ERCC6: variants seen among roughly 807,000 people sequenced by gnomAD.
ERCC6 encodes ERCC excision repair 6, chromatin remodeling factor, also known as DNA excision repair protein ERCC-6.
A neutral mutation model predicts 158.7 loss-of-function variants in ERCC6; 116 were observed. The observed-to-expected ratio is 0.73, with a 90% CI of 0.63 to 0.85. The LOEUF (loss-of-function observed/expected upper bound fraction) is 0.85, where lower values mean the gene tolerates loss of function less well. ERCC6 is among the 40% of genes least tolerant of loss of function. ERCC6 has a pLI of 0.00. For missense variants in ERCC6, 1,698 were observed against 1,799.4 expected (o/e 0.94, Z 1.02); for synonymous variants, 678 against 659.3 (o/e 1.03, Z -0.43).
At chr10:49,478,248 A>G in intron 11 of ERCC6, 106 bp downstream of exon 11, 3 of 888,772 alleles carry the variant, frequency 3.4e-6, no homozygotes, top group Non-Finnish European at 3.8e-6. Context: ...CCACAGTTCC[A>G]GGATCATACC....
chr10:49,525,168 C>T (rs1487560583), intron 4 of ERCC6: 3 of 234,846 alleles, frequency 1.3e-5, no homozygotes, highest in African/African-American at 7.0e-5. Context: ...CTAAAACCAA[C>T]ATTCAGATGG....
chr10:49,484,278 CAAA>C (rs60365716), intron 8 of ERCC6, among the ~76,000 whole-genome samples: 2 of 96,072 alleles, frequency 2.1e-5, no homozygotes, highest in Non-Finnish European at 4.0e-5. Context: ...GACTCTGCCT[CAAA>C]AAAAAAAAAA....
chr10:49,516,464 C>A (rs1836967914), intron 5 of ERCC6: 1 of 1,614,090 alleles, frequency 6.2e-7, no homozygotes, highest in African/African-American at 1.3e-5. Flanking sequence ...GGTCACGTCT[C>A]ATGGCAGCAC....
Position 49,458,897 on chromosome 10 carries a change from CG to C in ERCC6, c.4399del (p.Arg1467GlufsTer4). On this transcript the variant is annotated frameshift_variant, in exon 21 of 21. Coordinates refer to ENST00000355832, the MANE Select transcript of ERCC6 (RefSeq NM_000124.4). LOFTEE classifies it high-confidence loss of function. ...AGTGCACAGATTTCTCAATAGTTCT[CG>C]GAAGACACAAGACTGTGATGCAGAT... is the stretch of plus-strand genomic sequence containing the variant. Reference protein sequence around the residue: ...KLSASQSCVFRELLRNLCTFH... With the variant: ...KLSASQSCVFXELLRNLCTFH... 6.2e-7 allele frequency: 1 copy of C among 1,614,202 alleles called. No individual in the cohort carries two copies. Among genetic ancestry groups the C allele is most frequent in the Non-Finnish European group, 8.5e-7 (1 of 1,180,026 alleles).
rs1468860582 is a variant in ERCC6 at position 49,532,749 on chromosome 10, C to T, written c.216G>A (p.Leu72=). The change falls in exon 2 of 21, where the codon CTG becomes CTA. Residue 72 remains leucine (L), a synonymous_variant. Transcript: ENST00000355832. ...ASAAPRRGPA[L]LHIDRHQIQA... is the part of the protein sequence containing the mutation. The stretch of plus-strand genomic sequence containing the variant: ...GGATCTGATGTCGGTCGATGTGCAG[C>T]AGGGCTGGCCCTCTCCTCGGAGCTG... 6.2e-7 allele frequency: 1 copy of T among 1,614,124 alleles called. No individual in the cohort carries two copies. Among genetic ancestry groups the T allele is most frequent in the Non-Finnish European group, 8.5e-7 (1 of 1,180,054 alleles).
At chr10:49,533,255 G>C (rs1286966509) in intron 1 of ERCC6, among the ~76,000 whole-genome samples, 2 of 152,168 alleles carry the variant, frequency 1.3e-5, no homozygotes, top group Non-Finnish European at 2.9e-5. Flanking sequence ...CCAAAATCCT[G>C]GGGTGATGGC....
intron 4 of ERCC6, among the ~76,000 whole-genome samples, chr10:49,528,048 C>T (rs995386767): frequency 6.6e-6 from 1 of 152,154 alleles, no homozygotes; most frequent in African/African-American, 2.4e-5. Context: ...TTTAAAGACA[C>T]GTGAGAGCCA....
Position 49,486,738 on chromosome 10 carries a change from T to C in ERCC6, c.1822-3222A>G, listed in dbSNP as rs142271727. 8.5e-3 allele frequency among the ~76,000 whole-genome samples: 1,291 copies of C among 152,354 alleles called. 22 individuals carry two copies. The highest frequency in any genetic ancestry group is 0.029 in the African/African-American group (1,213 of 41,582). ...CCAATACTGAACAATGTGAAAAAGA[T>C]GTTATACTCTTCTCACCAAAAGTCT... is the stretch of plus-strand genomic sequence containing the variant. On this transcript the variant is annotated intron_variant, in intron 8 of 20. Coordinates refer to ENST00000355832, the MANE Select transcript of ERCC6 (RefSeq NM_000124.4).
chr10:49,445,435 G>A, the ERCC6 span, among the ~76,000 whole-genome samples: 2 of 152,162 alleles, frequency 1.3e-5, no homozygotes, highest in African/African-American at 4.8e-5. Context: ...GAAAATATGA[G>A]AACCAGTTGC....
intron 1 of ERCC6, among the ~76,000 whole-genome samples, chr10:49,533,585 C>G (rs189676751): frequency 6.6e-6 from 1 of 152,050 alleles, no homozygotes. Context: ...GGAAACACAG[C>G]GAGCTCAGGA....
At chr10:49,442,130 ACAT>A in the ERCC6 span, among the ~76,000 whole-genome samples, 1 of 152,226 alleles carries the variant, frequency 6.6e-6, no homozygotes, top group Non-Finnish European at 1.5e-5. Flanking sequence ...CAAATGTCCA[ACAT>A]TGCTTTTCCT....
chr10:49,482,725 T>C lies in ERCC6; in HGVS notation c.2131A>G (p.Ile711Val), dbSNP rs2132551652. 6.2e-7 allele frequency: 1 copy of C among 1,613,986 alleles called. No individual in the cohort carries two copies. The highest frequency in any genetic ancestry group is 8.5e-7 in the Non-Finnish European group (1 of 1,179,968). ...GCATTTGAATATCCCCCCATGGTGA[T>C]GGGGACGGAGAACTGCTCCATAAAC... is the stretch of plus-strand genomic sequence containing the variant. ...PVFMEQFSVP[I>V]TMGGYSNASP... The change falls in exon 10 of 21, where the codon ATC becomes GTC. Residue 711 changes from isoleucine to valine, a missense_variant. Physicochemically the swap from Ile to Val is conservative, Grantham distance 29. Coordinates refer to ENST00000355832, the MANE Select transcript of ERCC6 (RefSeq NM_000124.4).
Position 49,528,427 on chromosome 10 carries a change from C to T in ERCC6, c.642G>A (p.Glu214=). 6.2e-7 allele frequency: 1 copy of T among 1,614,220 alleles called. No homozygotes were observed. The highest frequency in any genetic ancestry group is 8.5e-7 in the Non-Finnish European group (1 of 1,180,026). The part of the protein sequence containing the change: ...VKIELDHASL[E]EDAEPGPSSL... ...TCCTAGCATCCTCACCTGCATCCTC[C>T]TCCAGACTGGCGTGATCTAGTTCAA... is the stretch of plus-strand genomic sequence containing the variant. Residue 214 remains glutamate (E), a synonymous_variant, in exon 4 of 21, where the codon GAG becomes GAA. Coordinates refer to ENST00000355832, the MANE Select transcript of ERCC6 (RefSeq NM_000124.4).
chr10:49,486,478 AAAT>A (rs1448017317), intron 8 of ERCC6, among the ~76,000 whole-genome samples: 3 of 152,250 alleles, frequency 2.0e-5, no homozygotes, highest in Non-Finnish European at 2.9e-5. Flanking sequence ...TGATAAAGCA[AAAT>A]AATAATAACT....
intron 18 of ERCC6, among the ~76,000 whole-genome samples, chr10:49,469,400 G>A (rs1850732989): frequency 6.6e-6 from 1 of 152,014 alleles, no homozygotes; most frequent in Non-Finnish European, 1.5e-5. Flanking sequence ...GCATAGATGG[G>A]TGTGTGTGTG....
At chr10:49,504,824 C>T (rs1851416322) in intron 6 of ERCC6, 1 of 152,148 alleles carries the variant, frequency 6.6e-6, no homozygotes, top group South Asian at 2.1e-4. Flanking sequence ...CATCAAGTCA[C>T]TTCACATCTT....
At chr10:49,446,785 A>G in the ERCC6 span, among the ~76,000 whole-genome samples, 2 of 152,188 alleles carry the variant, frequency 1.3e-5, no homozygotes, top group Non-Finnish European at 2.9e-5. Context: ...CTGCACTTCA[A>G]CCTGGGCAAA....
At chr10:49,464,203 A>G (rs1235935200) in intron 18 of ERCC6, among the ~76,000 whole-genome samples, 5 of 152,228 alleles carry the variant, frequency 3.3e-5, no homozygotes, top group Non-Finnish European at 7.3e-5. Flanking sequence ...CTTGTTGGGA[A>G]TTGGAGCAAA....
In ERCC6 at chr10:49,532,823, G is replaced by T; in HGVS notation, c.142C>A (p.Arg48Ser). Residue 48 changes from arginine (R) to serine (S), a missense_variant, in exon 2 of 21, where the codon CGT becomes AGT. Transcript: ENST00000355832. ...GTGGACAGCCCGTCACCCACAGAAC[G>T]AAAGGAGAGGTACTCCTCCACCTCC... ...DGEVEEYLSF[R>S]SVGDGLSTSA... The T allele has an allele frequency of 6.2e-7, 1 of 1,614,172 alleles. No individual in the cohort carries two copies. The highest frequency in any genetic ancestry group is 8.5e-7 in the Non-Finnish European group (1 of 1,180,018).
Sources: gnomAD v4.1 joint callset for allele counts (sites outside exome capture counted in the v4.1 genomes callset) on GRCh38, gnomAD v4.1.1 for gene constraint, MANE v1.5 for transcripts, NCBI Gene and HGNC (gene_info 2026-07-23, HGNC 2026-07-21) for gene names.